ST3GAL6: variants seen among roughly 807,000 people sequenced by gnomAD.
ST3GAL6 encodes the protein type 2 lactosamine alpha-2,3-sialyltransferase.
ST3GAL6 carries 31 observed loss-of-function variants against 40.5 expected under a neutral mutation model. That is an observed-to-expected ratio of 0.77 (90% CI 0.58 to 1.03). The LOEUF (loss-of-function observed/expected upper bound fraction) is 1.03, where lower values mean the gene tolerates loss of function less well. ST3GAL6 is among the 50% of genes least tolerant of loss of function. The pLI is 0.00. For synonymous variants in ST3GAL6, 129 were observed against 136.9 expected (o/e 0.94, Z 0.40); for missense variants, 357 against 393.2 (o/e 0.91, Z 0.78).
chr3:98,754,837 G>T (rs1322860823), intron 1 of ST3GAL6, among the ~76,000 whole-genome samples: 3 of 152,138 alleles, frequency 2.0e-5, no homozygotes, highest in African/African-American at 4.8e-5. Flanking sequence ...AGCATTTTTA[G>T]CAGTAAAATA....
At chr3:98,754,108 G>A (rs1489939317) in intron 1 of ST3GAL6, among the ~76,000 whole-genome samples, 1 of 152,208 alleles carries the variant, frequency 6.6e-6, no homozygotes, top group East Asian at 1.9e-4. Context: ...CACATAGATA[G>A]TGTGTCTAGG....
chr3:98,767,156 G>A (rs1938444251), intron 1 of ST3GAL6, among the ~76,000 whole-genome samples: 1 of 152,172 alleles, frequency 6.6e-6, no homozygotes, highest in South Asian at 2.1e-4. Flanking sequence ...CAGCAAGGGA[G>A]GAGTGAAAAG....
upstream of ST3GAL6, among the ~76,000 whole-genome samples, chr3:98,760,558 G>A (rs941450241): frequency 5.3e-5 from 8 of 151,966 alleles, no homozygotes; most frequent in East Asian, 3.8e-4. Context: ...TTCTTACCTC[G>A]GTCAGTGATT....
chr3:98,759,515 G>A (rs1937588235), upstream of ST3GAL6, among the ~76,000 whole-genome samples: 1 of 152,124 alleles, frequency 6.6e-6, no homozygotes, highest in African/African-American at 2.4e-5. Context: ...CACCCATAAT[G>A]TGACAGGAAT....
In ST3GAL6 at chr3:98,788,468, GTATT is replaced by G. The variant is rs1203375656; in HGVS notation, c.756+9_756+12del. The G allele has an allele frequency of 2.5e-6, 4 of 1,603,108 alleles. No homozygotes were observed. The highest frequency in any genetic ancestry group is 3.4e-6 in the Non-Finnish European group (4 of 1,175,602). On this transcript the variant is annotated splice_donor_region_variant and intron_variant, in intron 8 of 9. Coordinates refer to ENST00000483910, the MANE Select transcript of ST3GAL6 (RefSeq NM_001323368.2). ...AAAGTGTTTCCCAAAAATCAGGTAT[GTATT>G]TATCTCTGCATGGTTTCAAACTACA...
intron 1 of ST3GAL6, among the ~76,000 whole-genome samples, chr3:98,766,355 G>GCTGATA (rs1049123285): frequency 6.2e-5 from 9 of 144,756 alleles, no homozygotes; most frequent in Admixed American, 3.4e-4. Context: ...AAAAAATTTT[G>GCTGATA]CTGATACTGG....
intron 1 of ST3GAL6, among the ~76,000 whole-genome samples, chr3:98,752,722 C>T (rs532643515): frequency 1.2e-4 from 18 of 152,296 alleles, no homozygotes; most frequent in East Asian, 1.9e-4. Flanking sequence ...CTGCCCGCCT[C>T]GGCCTCCCAA....
At chr3:98,764,148 T>G (rs1182088087) in intron 1 of ST3GAL6, among the ~76,000 whole-genome samples, 1 of 151,958 alleles carries the variant, frequency 6.6e-6, no homozygotes, top group Admixed American at 6.6e-5. Flanking sequence ...ACCCACCGGG[T>G]TTTTCTATTA....
intron 5 of ST3GAL6, among the ~76,000 whole-genome samples, chr3:98,781,078 C>A (rs916360879): frequency 4.6e-5 from 7 of 152,102 alleles, no homozygotes; most frequent in African/African-American, 1.4e-4. Flanking sequence ...GGAACCAACC[C>A]AAATGCCCAT....
At position 98,770,410 on chromosome 3, in the gene ST3GAL6, C is replaced by T. The variant is rs115816808; in HGVS notation, c.90-469C>T. 2.7e-3 allele frequency: 432 copies of T among 159,006 alleles called. 3 individuals carry two copies. Among genetic ancestry groups the T allele is most frequent in the Non-Finnish European group, 4.8e-3 (347 of 72,168 alleles). 9.8% of individuals were successfully genotyped at this position (159,006 alleles called of 1,614,324 possible). A position where few individuals can be genotyped will look rare whatever the true frequency, so the allele number is the denominator to read the frequency against. Reference sequence around the variant, plus strand: ...GTGTGATTTGTAGAGTCCCCCGGATCCCAAGGCAAGGGTCTATGGAACCTG... The same window carrying T: ...GTGTGATTTGTAGAGTCCCCCGGATTCCAAGGCAAGGGTCTATGGAACCTG... On this transcript the variant is annotated intron_variant, in intron 2 of 9. Transcript: ENST00000483910.
At chr3:98,785,595 A>G (rs1940628031) in intron 6 of ST3GAL6, among the ~76,000 whole-genome samples, 1 of 152,180 alleles carries the variant, frequency 6.6e-6, no homozygotes, top group African/African-American at 2.4e-5. Flanking sequence ...AGTAGCAGGC[A>G]GGGGGAGAGT....
intron 1 of ST3GAL6, among the ~76,000 whole-genome samples, chr3:98,765,701 C>A (rs1187886467): frequency 6.6e-6 from 1 of 152,098 alleles, no homozygotes; most frequent in East Asian, 1.9e-4. Context: ...GTTTTAGGGA[C>A]CCTGATTTTA....
chr3:98,746,905 C>T (rs1289927866), intron 1 of ST3GAL6, among the ~76,000 whole-genome samples: 1 of 152,156 alleles, frequency 6.6e-6, no homozygotes, highest in Non-Finnish European at 1.5e-5. Context: ...TTTGAGGTAA[C>T]ATTTGCCGTT....
At chr3:98,791,281 ATATT>A (rs756952570) in intron 8 of ST3GAL6, among the ~76,000 whole-genome samples, 1 of 152,202 alleles carries the variant, frequency 6.6e-6, no homozygotes, top group Non-Finnish European at 1.5e-5. Context: ...TGCATTTGGA[ATATT>A]TATTTTCTAG....
intron 6 of ST3GAL6, 119 bp from the exon 7 acceptor site, chr3:98,787,917 G>T: frequency 1.3e-6 from 1 of 770,914 alleles, no homozygotes; most frequent in Non-Finnish European, 2.0e-6. Flanking sequence ...TTGCTTTGTG[G>T]CTTCAGAGCA....
At chr3:98,741,017 T>G (rs2107279564) in intron 1 of ST3GAL6, among the ~76,000 whole-genome samples, 1 of 151,900 alleles carries the variant, frequency 6.6e-6, no homozygotes, top group South Asian at 2.1e-4. Flanking sequence ...TCTGCTATTA[T>G]AAAGGGATCC....
At chr3:98,752,542 G>A (rs1213522524) in intron 1 of ST3GAL6, among the ~76,000 whole-genome samples, 2 of 151,968 alleles carry the variant, frequency 1.3e-5, no homozygotes, top group African/African-American at 4.8e-5. Flanking sequence ...CGCCATCTTG[G>A]CTCACTGCAA....
intron 3 of ST3GAL6, among the ~76,000 whole-genome samples, chr3:98,771,413 T>C (rs985004208): frequency 1.6e-4 from 25 of 152,334 alleles, no homozygotes; most frequent in African/African-American, 5.3e-4. Flanking sequence ...ACATAAAATG[T>C]CAATGATTGT....
intron 1 of ST3GAL6, among the ~76,000 whole-genome samples, chr3:98,737,950 C>T (rs868327382): frequency 2.6e-5 from 4 of 152,248 alleles, no homozygotes; most frequent in Admixed American, 1.3e-4. Context: ...TTGTAATCCT[C>T]AGTGTTGGAG....
Sources: gnomAD v4.1 joint callset for allele counts (sites outside exome capture counted in the v4.1 genomes callset) on GRCh38, gnomAD v4.1.1 for gene constraint, MANE v1.5 for transcripts, NCBI Gene and HGNC (gene_info 2026-07-23, HGNC 2026-07-21) for gene names.